The following MIS18BP1 variants were observed in gnomAD, a reference collection of about 807,000 sequenced individuals.
The protein encoded by MIS18BP1 is MIS18 binding protein 1.
MIS18BP1 carries 72 observed loss-of-function variants against 116.1 expected under a neutral mutation model. The observed-to-expected ratio is 0.62, with a 90% confidence interval of 0.51 to 0.75. The LOEUF (loss-of-function observed/expected upper bound fraction) is 0.75, where lower values mean the gene tolerates loss of function less well. Ranked by LOEUF, MIS18BP1 falls within the 30% of genes least tolerant of loss-of-function variation. MIS18BP1 has a pLI of 0.00. For synonymous variants in MIS18BP1, 386 were observed against 427.0 expected (o/e 0.90, Z 1.18); for missense variants, 1,363 against 1,303.2 (o/e 1.05, Z -0.71).
At chr14:45,234,373 G>T (rs993964462) in intron 6 of MIS18BP1, among the ~76,000 whole-genome samples, 4 of 152,082 alleles carry the variant, frequency 2.6e-5, no homozygotes, top group African/African-American at 9.7e-5. Flanking sequence ...GGAGAAGGGA[G>T]TGTTACTGGA....
At position 45,224,333 on chromosome 14, in the gene MIS18BP1, T is replaced by G; in HGVS notation, c.2254A>C (p.Lys752Gln). ...KKNTRLLPKL[K>Q]KIENQVAMSF... ...ATAGCTACCTGATTTTCTATTTTCT[T>G]CAATTTTGGTAATAGTCTGGTATTT... is the stretch of plus-strand genomic sequence containing the variant. The change falls in exon 11 of 17, where the codon AAG becomes CAG. Residue 752 changes from lysine (K) to glutamine (Q), a missense_variant. Transcript: ENST00000310806. 6.2e-7 allele frequency: 1 copy of G among 1,613,958 alleles called. No homozygotes were observed. The highest frequency in any genetic ancestry group is 8.5e-7 in the Non-Finnish European group (1 of 1,179,962).
intron 14 of MIS18BP1, 54 bp downstream of exon 14, chr14:45,210,326 G>A: frequency 1.3e-6 from 2 of 1,548,668 alleles, no homozygotes; most frequent in South Asian, 1.2e-5. Context: ...ATGTTTAAAT[G>A]TTCCTCACTA....
chr14:45,217,180 C>G lies in MIS18BP1; in HGVS notation c.2843-1G>C. 6.2e-7 allele frequency: 1 copy of G among 1,612,670 alleles called. No homozygotes were observed. The highest frequency in any genetic ancestry group is 1.1e-5 in the South Asian group (1 of 90,750). ...TTCTGATCAGCATCACCTCTCTTGC[C>G]TTAAGAGTCAGCAAACCATTTTGAT... On this transcript the variant is annotated splice_acceptor_variant, in intron 12 of 16. Transcript: ENST00000310806. LOFTEE classifies it high-confidence loss of function.
intron 13 of MIS18BP1, among the ~76,000 whole-genome samples, chr14:45,216,515 T>C (rs1890822719): frequency 1.3e-5 from 2 of 152,336 alleles, no homozygotes; most frequent in African/African-American, 4.8e-5. Context: ...CTTTTTGTTA[T>C]TCCAGTAACA....
At chr14:45,208,499 A>G (rs1890587474) in intron 14 of MIS18BP1, among the ~76,000 whole-genome samples, 1 of 151,786 alleles carries the variant, frequency 6.6e-6, no homozygotes, top group Non-Finnish European at 1.5e-5. Flanking sequence ...CATCCGGCTA[A>G]TTTTTTGTAT....
chr14:45,222,320 CT>C (rs1316242237), intron 11 of MIS18BP1, among the ~76,000 whole-genome samples: 2 of 152,002 alleles, frequency 1.3e-5, no homozygotes, highest in Non-Finnish European at 1.5e-5. Context: ...TCTTTGCCTT[CT>C]TTTGGGCTAT....
intron 11 of MIS18BP1, among the ~76,000 whole-genome samples, chr14:45,220,661 T>A (rs962412813): frequency 6.6e-6 from 1 of 152,198 alleles, no homozygotes; most frequent in African/African-American, 2.4e-5. Context: ...GTTGTATGTA[T>A]CAATAGTTCT....
intron 13 of MIS18BP1, among the ~76,000 whole-genome samples, chr14:45,214,586 C>CT (rs1446029456): frequency 2.6e-5 from 4 of 152,306 alleles, no homozygotes; most frequent in Admixed American, 2.6e-4. Flanking sequence ...CCTGGGCCCA[C>CT]TTTTGTTTCT....
rs148229055 is a variant in MIS18BP1 at position 45,235,853 on chromosome 14, A to C, written c.1309T>G (p.Leu437Val). The C allele has an allele frequency of 1.8e-5, 29 of 1,609,370 alleles. No homozygotes were observed. The highest frequency in any genetic ancestry group is 2.4e-5 in the Non-Finnish European group (28 of 1,178,004). The change falls in exon 6 of 17, where the codon TTA (leucine) becomes GTA (valine). Residue 437 changes from leucine to valine, a missense_variant. Coordinates refer to ENST00000310806, the MANE Select transcript of MIS18BP1 (RefSeq NM_018353.5). ...GAAATTTGGTCTATCATGCCTTTTAATATATAAACGTTGCCTGATATAGTC... is the reference window on the plus strand; with the variant it reads ...GAAATTTGGTCTATCATGCCTTTTACTATATAAACGTTGCCTGATATAGTC... ...LRTISGNVYI[L>V]KGMIDQISMK...
intron 2 of MIS18BP1, among the ~76,000 whole-genome samples, chr14:45,243,976 T>C (rs1348965659): frequency 6.6e-6 from 1 of 152,184 alleles, no homozygotes; most frequent in Admixed American, 6.5e-5. Context: ...ATATGTATTA[T>C]TTCATTTGCT....
At chr14:45,232,445 C>CA (rs1456309087) in intron 7 of MIS18BP1, 24 of 179,994 alleles carry the variant, frequency 1.3e-4, no homozygotes, top group Non-Finnish European at 2.4e-4. Context: ...AAAACAACAA[C>CA]AAAAAAACTG....
chr14:45,221,520 T>C (rs1374634594), intron 11 of MIS18BP1, among the ~76,000 whole-genome samples: 1 of 152,192 alleles, frequency 6.6e-6, no homozygotes, highest in Non-Finnish European at 1.5e-5. Flanking sequence ...ACAGATTAGT[T>C]ATACGTATTA....
chr14:45,209,918 G>T (rs1222945208), intron 14 of MIS18BP1, among the ~76,000 whole-genome samples: 1 of 152,194 alleles, frequency 6.6e-6, no homozygotes, highest in African/African-American at 2.4e-5. Context: ...CCTTTTGCCT[G>T]TGACAAGTTG....
chr14:45,204,333 C>G, intron 16 of MIS18BP1, 66 bp downstream of exon 16: 2 of 1,537,238 alleles, frequency 1.3e-6, no homozygotes, highest in Non-Finnish European at 1.8e-6. Context: ...AATTTTAATA[C>G]CATTTAAATA....
rs1381756120 is a variant in MIS18BP1 at position 45,203,849 on chromosome 14, T to C, written c.*260A>G. 1 of 196,044 alleles carries C rather than the reference T, an allele frequency of 5.1e-6. No homozygotes were observed. The highest frequency in any genetic ancestry group is 2.3e-5 in the African/African-American group (1 of 43,010). The allele number at this position is 196,044 out of a possible 1,614,324, so 12.1% of individuals were successfully genotyped here. A position where few individuals can be genotyped will look rare whatever the true frequency, so the allele number is the denominator to read the frequency against. ...AAAGTAAACAGACTTGGATGCTTAT[T>C]AAAAAATTATCTATATATATTTTAA... On this transcript the variant is annotated 3_prime_UTR_variant, in exon 17 of 17. Coordinates refer to ENST00000310806, the MANE Select transcript of MIS18BP1 (RefSeq NM_018353.5).
intron 16 of MIS18BP1, 49 bp downstream of exon 16, chr14:45,204,350 C>G (rs1481835000): frequency 6.4e-7 from 1 of 1,565,306 alleles, no homozygotes; most frequent in Non-Finnish European, 8.7e-7. Flanking sequence ...AATAAAGAAC[C>G]TACCTTATAA....
At chr14:45,213,146 C>A (rs1890721430) in intron 13 of MIS18BP1, among the ~76,000 whole-genome samples, 1 of 152,152 alleles carries the variant, frequency 6.6e-6, no homozygotes, top group South Asian at 2.1e-4. Context: ...TCAAGGGATC[C>A]TCCTACCTCG....
intron 8 of MIS18BP1, among the ~76,000 whole-genome samples, chr14:45,230,090 AT>A (rs1891234335): frequency 6.6e-6 from 1 of 152,208 alleles, no homozygotes; most frequent in South Asian, 2.1e-4. Context: ...GTATGGTGCT[AT>A]GTTTTTGGCA....
chr14:45,226,857 TA>T, intron 9 of MIS18BP1, 21 bp from the exon 10 acceptor site: 1 of 1,325,320 alleles, frequency 7.5e-7, no homozygotes, highest in Non-Finnish European at 9.9e-7. Context: ...AAAAGATACC[TA>T]GGTTTTATTT....
Sources: gnomAD v4.1 joint callset for allele counts (sites outside exome capture counted in the v4.1 genomes callset) on GRCh38, gnomAD v4.1.1 for gene constraint, MANE v1.5 for transcripts, NCBI Gene and HGNC (gene_info 2026-07-23, HGNC 2026-07-21) for gene names.